The following USP6NL variants were observed in gnomAD, a reference collection of about 807,000 sequenced individuals.
USP6NL encodes USP6 N-terminal-like protein.
USP6NL carries 26 observed loss-of-function variants against 61.9 expected under a neutral mutation model. The observed-to-expected ratio is 0.42, with a 90% CI of 0.31 to 0.58. The LOEUF is 0.58. Among genes scored for constraint, USP6NL ranks in the 20% least tolerant of loss-of-function variants. USP6NL has a pLI of 0.16. For synonymous variants in USP6NL, 432 were observed against 390.1 expected, an observed-to-expected ratio of 1.11 and a Z score of -1.27; for missense variants, 1,114 against 1,034.3, an observed-to-expected ratio of 1.08 and a Z score of -1.06.
At chr10:11,488,968 C>A in intron 10 of USP6NL, 134 bp downstream of exon 10, 1 of 1,166,624 alleles carries the variant, frequency 8.6e-7, no homozygotes. Context: ...AAACTAGTAA[C>A]AAATACTAAT....
chr10:11,559,454 C>T (rs1237334716), intron 2 of USP6NL, among the ~76,000 whole-genome samples: 1 of 152,130 alleles, frequency 6.6e-6, no homozygotes, highest in Non-Finnish European at 1.5e-5. Flanking sequence ...ACACATAGGG[C>T]ATCCACGCAC....
intron 2 of USP6NL, 107 bp from the exon 3 acceptor site, chr10:11,527,674 A>C: frequency 1.0e-6 from 1 of 974,186 alleles, no homozygotes; most frequent in East Asian, 2.7e-5. Flanking sequence ...ACTGCCTAAA[A>C]TGACAAATCA....
At position 11,542,914 on chromosome 10, in the gene USP6NL, C is replaced by T. The variant is rs975140004; in HGVS notation, c.5-15347G>A. Reference sequence around the variant, plus strand: ...GCTTCTAACATGTCTCCGTCACCTCCTTTTTCACAATACTCACCCCTCACA... The same window carrying T: ...GCTTCTAACATGTCTCCGTCACCTCTTTTTTCACAATACTCACCCCTCACA... On this transcript the variant is annotated intron_variant, in intron 2 of 14. Coordinates refer to ENST00000609104, the MANE Select transcript of USP6NL (RefSeq NM_014688.5). Among the ~76,000 whole-genome samples, 11 of 152,130 alleles carry T rather than the reference C, an allele frequency of 7.2e-5. No individual in the cohort carries two copies. The South Asian group carries it at 1.7e-3, about 23-fold the overall frequency.
Position 11,595,359 on chromosome 10 carries a change from T to A in USP6NL, c.4+2272A>T, listed in dbSNP as rs1375717750. On this transcript the variant is annotated intron_variant, in intron 2 of 14. Coordinates refer to ENST00000609104, the MANE Select transcript of USP6NL (RefSeq NM_014688.5). The surrounding 1 kb of genome is among the most constrained non-coding windows in gnomAD (Gnocchi z 5.3). ...TGTAAATAAAAGTTTTCCCTAGGAATCAGGGTCAAGAGCCAGGCTCTGTGC... is the reference window on the plus strand; with the variant it reads ...TGTAAATAAAAGTTTTCCCTAGGAAACAGGGTCAAGAGCCAGGCTCTGTGC... Among the ~76,000 whole-genome samples the A allele has an allele frequency of 1.3e-5, 2 of 152,220 alleles. No individual in the cohort carries two copies. The highest frequency in any genetic ancestry group is 4.8e-5 in the African/African-American group (2 of 41,456).
At chr10:11,493,431 T>C (rs550818237) in intron 7 of USP6NL, among the ~76,000 whole-genome samples, 2 of 152,302 alleles carry the variant, frequency 1.3e-5, no homozygotes, top group East Asian at 3.9e-4. Context: ...TACTGCCTGC[T>C]TCTCCCTCTT....
chr10:11,550,374 G>T (rs774662176), intron 2 of USP6NL, among the ~76,000 whole-genome samples: 1 of 152,096 alleles, frequency 6.6e-6, no homozygotes, highest in Non-Finnish European at 1.5e-5. Flanking sequence ...TAGACAGAAG[G>T]CTTATATCCA....
chr10:11,532,071 G>C lies in USP6NL; in HGVS notation c.5-4504C>G. 1.2e-6 allele frequency: 1 copy of C among 806,682 alleles called. No homozygotes were observed. The allele number at this position is 806,682 out of a possible 1,614,324, so 50.0% of individuals were successfully genotyped here. A position where few individuals can be genotyped will look rare whatever the true frequency, so the allele number is the denominator to read the frequency against. ...GAAAAATTCATACAAAGTTACTAAG[G>C]TTCATTTCCAATAAAATAAAATTTA... On this transcript the variant is annotated intron_variant, in intron 2 of 14. Transcript: ENST00000609104. This position sits in a 1 kb window ranked among gnomAD's most constrained non-coding sequence, Gnocchi z 4.1.
chr10:11,567,098 A>T (rs561129921), intron 2 of USP6NL, among the ~76,000 whole-genome samples: 1 of 152,362 alleles, frequency 6.6e-6, no homozygotes, highest in African/African-American at 2.4e-5. Context: ...TGGCTGACAG[A>T]GCCTGACCTT....
chr10:11,531,785 G>A (rs144886244), intron 2 of USP6NL, among the ~76,000 whole-genome samples: 226 of 151,916 alleles, frequency 1.5e-3, no homozygotes, highest in African/African-American at 4.8e-3. Flanking sequence ...AAGCAATAAG[G>A]ATCAGAAGAT....
intron 2 of USP6NL, among the ~76,000 whole-genome samples, chr10:11,559,918 T>C (rs1464993134): frequency 6.6e-6 from 1 of 152,130 alleles, no homozygotes; most frequent in Non-Finnish European, 1.5e-5. Context: ...TTTAAGGAGT[T>C]AGGTTTGAGT....
intron 1 of USP6NL, among the ~76,000 whole-genome samples, chr10:11,599,780 G>C (rs1209830793): frequency 6.7e-6 from 1 of 149,642 alleles, no homozygotes; most frequent in East Asian, 2.0e-4. Context: ...GCCCAGGTTG[G>C]AGTGCAGTAG....
At position 11,479,821 on chromosome 10, in the gene USP6NL, C is replaced by T. The variant is rs192754600; in HGVS notation, c.1078+1949G>A. Among the ~76,000 whole-genome samples the T allele has an allele frequency of 2.9e-3, 434 of 152,218 alleles. 7 individuals are homozygous for T. The highest frequency in any genetic ancestry group is 1.2e-3 in the Non-Finnish European group (79 of 68,020). On this transcript the variant is annotated intron_variant, in intron 14 of 14. Transcript: ENST00000609104. ...CGGTCTCCTGACCTCGTGATCTGCC[C>T]TCCTCGGCCTCCTGAAGTGCTGGGA...
At chr10:11,605,897 T>C (rs914376954) in intron 1 of USP6NL, among the ~76,000 whole-genome samples, 5 of 152,116 alleles carry the variant, frequency 3.3e-5, no homozygotes, top group African/African-American at 4.8e-5. Flanking sequence ...AAATCTAACA[T>C]TGTATAACTG....
rs1426673218 is a variant in USP6NL at position 11,491,966 on chromosome 10, A to G, written c.495-1086T>C. ...AGTATTTCTTCCTTATTTTTTTGTA[A>G]ATGTGCTTGTATATATACCAACAAA... On this transcript the variant is annotated intron_variant, in intron 8 of 14. Coordinates refer to ENST00000609104, the MANE Select transcript of USP6NL (RefSeq NM_014688.5). This position sits in a 1 kb window ranked among gnomAD's most constrained non-coding sequence, Gnocchi z 4.7. 2.0e-5 allele frequency among the ~76,000 whole-genome samples: 3 copies of G among 152,114 alleles called. No homozygotes were observed. Among genetic ancestry groups the G allele is most frequent in the Non-Finnish European group, 2.9e-5 (2 of 68,008 alleles).
At position 11,527,541 on chromosome 10, in the gene USP6NL, G is replaced by A; in HGVS notation, c.31C>T (p.Leu11Phe). MNSDQDVALK[L>F]AQERAEIVAK... is the part of the protein sequence containing the mutation. ...ACTATTTCAGCTCGCTCCTGGGCAA[G>A]TTTGAGTGCTACATCCTGGTCTGAA... is the stretch of plus-strand genomic sequence containing the variant. The change falls in exon 3 of 15, where the codon CTT becomes TTT. Residue 11 changes from leucine (L) to phenylalanine (F), a missense_variant. Transcript: ENST00000609104. The A allele has an allele frequency of 1.2e-6, 2 of 1,609,828 alleles. No individual in the cohort carries two copies. The highest frequency in any genetic ancestry group is 2.2e-5 in the South Asian group (2 of 89,888).
In USP6NL at chr10:11,489,277, A is replaced by G; in HGVS notation, c.544-55T>C. 4 of 1,584,934 alleles carry G rather than the reference A, an allele frequency of 2.5e-6. No individual in the cohort carries two copies. Among genetic ancestry groups the G allele is most frequent in the Non-Finnish European group, 3.4e-6 (4 of 1,162,976 alleles). ...GGGAGTTCAGTCGAATTACATGCAT[A>G]TGTACAGAGAAAAAGCTACTCTATA... On this transcript the variant is annotated intron_variant, in intron 9 of 14. Transcript: ENST00000609104. This position sits in a 1 kb window ranked among gnomAD's most constrained non-coding sequence, Gnocchi z 5.7.
At position 11,496,928 on chromosome 10, in the gene USP6NL, G is replaced by A. The variant is rs1833953041; in HGVS notation, c.385-3700C>T. 6.6e-6 allele frequency among the ~76,000 whole-genome samples: 1 copy of A among 152,090 alleles called. No homozygotes were observed. The highest frequency in any genetic ancestry group is 1.5e-5 in the Non-Finnish European group (1 of 68,024). ...TTTTAAAACAGGAAGAACAGCCACA[G>A]TATGTTTCAGAATTCTCAAGACAGA... On this transcript the variant is annotated intron_variant, in intron 7 of 14. Coordinates refer to ENST00000609104, the MANE Select transcript of USP6NL (RefSeq NM_014688.5). The surrounding 1 kb of genome is among the most constrained non-coding windows in gnomAD (Gnocchi z 5.4).
rs12776855 is a variant in USP6NL, at chr10:11,468,960, G to C, written c.1079-5111C>G. On this transcript the variant is annotated intron_variant, in intron 14 of 14. Transcript: ENST00000609104. The surrounding 1 kb of genome is among the most constrained non-coding windows in gnomAD (Gnocchi z 4.5). ...GAGATTTAATTTTTTAATATAAGGA[G>C]TAAGAAAAATATTTACCTTATAATT... 0.11 allele frequency among the ~76,000 whole-genome samples: 17,333 copies of C among 152,210 alleles called. 1,304 individuals are homozygous for C. Among genetic ancestry groups the C allele is most frequent in the East Asian group, 0.16 (843 of 5,182 alleles).
chr10:11,524,772 G>C (rs1021023650), intron 4 of USP6NL, among the ~76,000 whole-genome samples: 6 of 152,134 alleles, frequency 3.9e-5, no homozygotes, highest in African/African-American at 1.4e-4. Context: ...AAGATGAATA[G>C]AAGTCTCTAG....
Sources: allele counts gnomAD v4.1 joint callset (sites outside exome capture counted in the v4.1 genomes callset), GRCh38; gene constraint gnomAD v4.1.1; non-coding constraint Gnocchi (gnomAD v3.1); transcripts MANE v1.5; gene names NCBI Gene and HGNC (gene_info 2026-07-23, HGNC 2026-07-21).